The following CTNNA2 variants were observed in gnomAD, a reference collection of about 807,000 sequenced individuals.
CTNNA2 encodes catenin alpha 2.
Under a neutral mutation model 101.0 loss-of-function variants are expected in CTNNA2, and 42 were observed. The ratio of observed to expected loss-of-function variants is 0.42; its 90% CI spans 0.32 to 0.54. CTNNA2 has a LOEUF of 0.54. Ranked by LOEUF, CTNNA2 falls within the 20% of genes least tolerant of loss-of-function variation. CTNNA2 has a pLI of 0.14. For missense variants in CTNNA2, 871 were observed against 1,223.1 expected (o/e 0.71, Z 4.29); for synonymous variants, 450 against 456.4 (o/e 0.99, Z 0.18).
At chr2:79,371,524 C>G (rs991783840) in intron 3 of CTNNA2, among the ~76,000 whole-genome samples, 1 of 152,138 alleles carries the variant, frequency 6.6e-6, no homozygotes, top group Non-Finnish European at 1.5e-5. Flanking sequence ...GAACCAGGCT[C>G]CTTCTCTGGC....
intron 7 of CTNNA2, among the ~76,000 whole-genome samples, chr2:80,071,504 G>C (rs1418395493): frequency 1.3e-5 from 2 of 152,120 alleles, no homozygotes; most frequent in Non-Finnish European, 2.9e-5. Flanking sequence ...TTTAACCCTG[G>C]AGTGAATTTA....
At chr2:79,663,270 T>C (rs11675873) in intron 2 of CTNNA2, among the ~76,000 whole-genome samples, 33,261 of 152,068 alleles carry the variant, frequency 0.22, 3,925 homozygotes, top group Admixed American at 0.26. Flanking sequence ...ACCTATACAT[T>C]CTCTATTCGG....
At chr2:79,639,482 C>T (rs2033335) in intron 1 of CTNNA2, among the ~76,000 whole-genome samples, 1 of 151,898 alleles carries the variant, frequency 6.6e-6, no homozygotes, top group African/African-American at 2.4e-5. Flanking sequence ...CTTGCATTAA[C>T]AGTAAAATTT....
At position 80,134,205 on chromosome 2, in the gene CTNNA2, A is replaced by G. The variant is rs182201330; in HGVS notation, c.1056+224408A>G. ...ACAGGACTTGTTTTAAGATGAGAGT[A>G]GGCTGAAAAGGTTGCAAGCTAGAGT... On this transcript the variant is annotated intron_variant, in intron 7 of 18. Transcript: ENST00000402739. Among the ~76,000 whole-genome samples the G allele has an allele frequency of 4.4e-4, 67 of 152,294 alleles. 1 individual carries two copies. Among genetic ancestry groups the G allele is most frequent in the African/African-American group, 1.6e-3 (65 of 41,568 alleles).
chr2:79,805,839 G>C (rs953192682), intron 3 of CTNNA2, among the ~76,000 whole-genome samples: 5 of 152,026 alleles, frequency 3.3e-5, no homozygotes, highest in Non-Finnish European at 7.4e-5. Flanking sequence ...TTGGGAGGCT[G>C]AGGCAGGAGA....
intron 18 of CTNNA2, among the ~76,000 whole-genome samples, chr2:80,633,632 C>G (rs553925519): frequency 2.0e-5 from 3 of 152,222 alleles, no homozygotes; most frequent in African/African-American, 7.2e-5. Context: ...ATGTTCTACC[C>G]AGAAATGAAT....
At chr2:80,537,934 AGAT>A in intron 9 of CTNNA2, among the ~76,000 whole-genome samples, 1 of 152,320 alleles carries the variant, frequency 6.6e-6, no homozygotes, top group South Asian at 2.1e-4. Flanking sequence ...AACTGGCATA[AGAT>A]GATATCTCAC....
chr2:80,578,862 G>C (rs1475683490), intron 13 of CTNNA2: 2 of 152,130 alleles, frequency 1.3e-5, no homozygotes, highest in Non-Finnish European at 2.9e-5. Flanking sequence ...CTGTCCCATA[G>C]TGGGTGGTAA....
intron 7 of CTNNA2, among the ~76,000 whole-genome samples, chr2:79,937,987 G>A (rs1687901958): frequency 6.6e-6 from 1 of 152,186 alleles, no homozygotes; most frequent in South Asian, 2.1e-4. Context: ...AGGCAGACAT[G>A]TTTTTTAAAC....
At chr2:80,192,387 G>T (rs1706563532) in intron 7 of CTNNA2, among the ~76,000 whole-genome samples, 1 of 152,124 alleles carries the variant, frequency 6.6e-6, no homozygotes, top group Non-Finnish European at 1.5e-5. Context: ...TTGCCCAGTG[G>T]TCATGATGAT....
chr2:79,904,927 G>T (rs1685316672), intron 6 of CTNNA2, among the ~76,000 whole-genome samples: 1 of 152,208 alleles, frequency 6.6e-6, no homozygotes, highest in African/African-American at 2.4e-5. Flanking sequence ...CTGGGAAGTA[G>T]TTTCGAACTA....
intron 7 of CTNNA2, among the ~76,000 whole-genome samples, chr2:80,008,616 C>T (rs2104003971): frequency 6.6e-6 from 1 of 152,310 alleles, no homozygotes; most frequent in African/African-American, 2.4e-5. Context: ...CAGTTTCCCT[C>T]CATGTTTAGG....
chr2:79,632,338 A>G (rs938532864), intron 1 of CTNNA2, among the ~76,000 whole-genome samples: 4 of 152,238 alleles, frequency 2.6e-5, no homozygotes, highest in African/African-American at 7.2e-5. Context: ...TGTATTTTAG[A>G]ACAGAACTTG....
At chr2:80,544,864 C>A (rs1390908166) in intron 9 of CTNNA2, 118 bp from the exon 10 acceptor site, 4 of 809,540 alleles carry the variant, frequency 4.9e-6, no homozygotes, top group Non-Finnish European at 7.7e-6. Context: ...GTACCCTTAT[C>A]TTATTTCTGA....
chr2:80,552,832 G>A (rs978063888), intron 11 of CTNNA2, among the ~76,000 whole-genome samples: 6 of 152,072 alleles, frequency 3.9e-5, no homozygotes, highest in African/African-American at 1.4e-4. Context: ...ATAATCTTAT[G>A]GGACTACCTT....
intron 7 of CTNNA2, among the ~76,000 whole-genome samples, chr2:80,277,214 C>T (rs1235701408): frequency 1.3e-5 from 2 of 152,138 alleles, no homozygotes; most frequent in African/African-American, 2.4e-5. Flanking sequence ...TCTGTATTCT[C>T]ACTGTGGAAT....
At chr2:79,615,813 A>C (rs1229827312) in intron 1 of CTNNA2, among the ~76,000 whole-genome samples, 1 of 152,170 alleles carries the variant, frequency 6.6e-6, no homozygotes, top group East Asian at 1.9e-4. Context: ...CATTTCCGCA[A>C]TATGAAGTGT....
chr2:79,257,647 G>A (rs548227518), intron 2 of CTNNA2, among the ~76,000 whole-genome samples: 4 of 152,010 alleles, frequency 2.6e-5, no homozygotes, highest in Non-Finnish European at 4.4e-5. Context: ...TCTATCAAAA[G>A]GTAAAATGGG....
intron 9 of CTNNA2, among the ~76,000 whole-genome samples, chr2:80,536,776 T>C (rs1187295290): frequency 6.6e-6 from 1 of 152,208 alleles, no homozygotes; most frequent in South Asian, 2.1e-4. Context: ...TGTGGCTCTT[T>C]TGAGACAGAG....
Sources: allele counts gnomAD v4.1 joint callset (sites outside exome capture counted in the v4.1 genomes callset), GRCh38; gene constraint gnomAD v4.1.1; transcripts MANE v1.5; gene names NCBI Gene and HGNC (gene_info 2026-07-23, HGNC 2026-07-21).